SNX14: variants seen among roughly 807,000 people sequenced by gnomAD.
SNX14 encodes the protein sorting nexin 14, also known as sorting nexin-14.
Under a neutral mutation model 133.8 loss-of-function variants are expected in SNX14, and 93 were observed. The ratio of observed to expected loss-of-function variants is 0.70; its 90% CI spans 0.59 to 0.83. The LOEUF (loss-of-function observed/expected upper bound fraction) is 0.83. Among genes scored for constraint, SNX14 ranks in the 40% least tolerant of loss-of-function variants. The pLI is 0.00. For missense variants in SNX14, 945 were observed against 1,094.9 expected (o/e 0.86, Z 1.93); for synonymous variants, 368 against 365.6 (o/e 1.01, Z -0.07).
rs1784724164 is a variant in SNX14 at position 85,544,056 on chromosome 6, T to C, written c.1109-296A>G. Among the ~76,000 whole-genome samples, 5 of 152,098 alleles carry C rather than the reference T, an allele frequency of 3.3e-5. 1 individual carries two copies. In the South Asian group the frequency reaches 1.0e-3, roughly 31 times the overall value. On this transcript the variant is annotated intron_variant, in intron 12 of 28. Transcript: ENST00000314673. ...AATAGTTTCCTTAAAGAATATTGAA[T>C]TTATTATACCAAAAGTCTTTTATTA...
At chr6:85,507,859 C>T in intron 27 of SNX14, 109 bp downstream of exon 27, 2 of 605,442 alleles carry the variant, frequency 3.3e-6, no homozygotes, top group East Asian at 6.7e-5. Flanking sequence ...AATTATATTG[C>T]CTTGGTTTAG....
At chr6:85,580,123 CTCTG>C (rs1301373078) in intron 1 of SNX14, among the ~76,000 whole-genome samples, 1 of 152,178 alleles carries the variant, frequency 6.6e-6, no homozygotes, top group Admixed American at 6.5e-5. Flanking sequence ...GTAAAGATAA[CTCTG>C]TCTTTCAACT....
chr6:85,543,564 T>C (rs1784489859), intron 13 of SNX14, 41 bp downstream of exon 13: 1 of 1,487,210 alleles, frequency 6.7e-7, no homozygotes, highest in Non-Finnish European at 9.1e-7. Context: ...GGAAAAACTG[T>C]AAGAGTGCTA....
intron 21 of SNX14, among the ~76,000 whole-genome samples, chr6:85,524,147 A>T (rs890546382): frequency 6.6e-6 from 1 of 152,022 alleles, no homozygotes; most frequent in Non-Finnish European, 1.5e-5. Context: ...GCACCACTGC[A>T]CTCCAGCCTG....
intron 7 of SNX14, among the ~76,000 whole-genome samples, chr6:85,554,222 TTA>T (rs544508658): frequency 3.4e-4 from 50 of 148,676 alleles, no homozygotes; most frequent in South Asian, 1.5e-3. Flanking sequence ...CAATTTAAGT[TTA>T]TATATATATA....
At chr6:85,590,268 T>C (rs192624052) in intron 1 of SNX14, among the ~76,000 whole-genome samples, 31 of 152,314 alleles carry the variant, frequency 2.0e-4, no homozygotes, top group Non-Finnish European at 2.6e-4. Flanking sequence ...ATCCATAAAA[T>C]AGAAGAATTT....
chr6:85,593,293 T>G (rs962234328), intron 1 of SNX14, among the ~76,000 whole-genome samples: 2 of 152,182 alleles, frequency 1.3e-5, no homozygotes, highest in Non-Finnish European at 2.9e-5. Flanking sequence ...GATTTCACTT[T>G]TGAAAAGCAA....
chr6:85,550,005 G>T, intron 7 of SNX14, 126 bp from the exon 8 acceptor site: 1 of 767,156 alleles, frequency 1.3e-6, no homozygotes, highest in Non-Finnish European at 2.0e-6. Flanking sequence ...CCAGCATTTT[G>T]TGAGGCCGAG....
At chr6:85,516,898 G>A (rs921237589) in intron 23 of SNX14, among the ~76,000 whole-genome samples, 2 of 151,910 alleles carry the variant, frequency 1.3e-5, no homozygotes, top group African/African-American at 2.4e-5. Flanking sequence ...TTGGCCTCCC[G>A]AAGTGCTGGG....
chr6:85,521,185 C>T (rs893526050), intron 21 of SNX14, among the ~76,000 whole-genome samples: 1 of 152,136 alleles, frequency 6.6e-6, no homozygotes, highest in East Asian at 1.9e-4. Context: ...AATTAGGCAC[C>T]TTTCCATGTA....
rs182222750 is a variant in SNX14 at position 85,523,680 on chromosome 6, G to A, written c.2107+2446C>T. The stretch of plus-strand genomic sequence containing the variant: ...CTCAGGAGGCTGAGGTGGGAGGAAT[G>A]CCTGAGCCCAGAAGGCAGAAGTTGC... On this transcript the variant is annotated intron_variant, in intron 21 of 28. Coordinates refer to ENST00000314673, the MANE Select transcript of SNX14 (RefSeq NM_153816.6). Among the ~76,000 whole-genome samples the A allele has an allele frequency of 3.7e-3, 562 of 152,162 alleles. 3 individuals carry two copies. The highest frequency in any genetic ancestry group is 6.8e-3 in the Middle Eastern group (2 of 292).
At chr6:85,558,158 A>G (rs1790353707) in intron 6 of SNX14, 98 bp from the exon 7 acceptor site, 1 of 643,262 alleles carries the variant, frequency 1.6e-6, no homozygotes, top group Non-Finnish European at 2.7e-6. Context: ...CTTAAAAATT[A>G]GAAGTATTCA....
At chr6:85,542,146 C>G in intron 14 of SNX14, 103 bp from the exon 15 acceptor site, 1 of 695,454 alleles carries the variant, frequency 1.4e-6, no homozygotes, top group Non-Finnish European at 2.2e-6. Flanking sequence ...AAAAAAAAAG[C>G]TATCTCAATC....
chr6:85,584,459 G>C (rs1180036384), intron 1 of SNX14, among the ~76,000 whole-genome samples: 1 of 152,020 alleles, frequency 6.6e-6, no homozygotes, highest in Non-Finnish European at 1.5e-5. Context: ...GAGTGAACAG[G>C]CAACCTACAG....
At chr6:85,570,333 TG>T (rs67585971) in intron 4 of SNX14, among the ~76,000 whole-genome samples, 93,525 of 151,946 alleles carry the variant, frequency 0.62, 29,094 homozygotes, top group Admixed American at 0.69. Context: ...TTTTTATGAA[TG>T]AATGACATGT....
At chr6:85,537,370 T>C (rs969720267) in intron 16 of SNX14, among the ~76,000 whole-genome samples, 2 of 152,112 alleles carry the variant, frequency 1.3e-5, no homozygotes, top group African/African-American at 4.8e-5. Flanking sequence ...CATTAAACTA[T>C]TACTTTCTCA....
At chr6:85,570,852 CA>C (rs891993019) in intron 4 of SNX14, among the ~76,000 whole-genome samples, 13 of 144,648 alleles carry the variant, frequency 9.0e-5, no homozygotes, top group African/African-American at 1.3e-4. Context: ...GATTCCGTCT[CA>C]AAAAAAAAAG....
chr6:85,537,986 G>A (rs150239436), intron 16 of SNX14, among the ~76,000 whole-genome samples: 39 of 152,150 alleles, frequency 2.6e-4, no homozygotes, highest in African/African-American at 8.7e-4. Context: ...TCTTACAACC[G>A]ATATCCAAAT....
At chr6:85,561,554 C>T (rs1562338703) in intron 6 of SNX14, among the ~76,000 whole-genome samples, 1 of 152,012 alleles carries the variant, frequency 6.6e-6, no homozygotes, top group East Asian at 1.9e-4. Flanking sequence ...GTCAATTTCC[C>T]TAGACTGTCT....
Sources: allele counts gnomAD v4.1 joint callset (sites outside exome capture counted in the v4.1 genomes callset), GRCh38; gene constraint gnomAD v4.1.1; transcripts MANE v1.5; gene names NCBI Gene and HGNC (gene_info 2026-07-23, HGNC 2026-07-21).